The following NELL1 variants were observed in gnomAD, a reference collection of about 807,000 sequenced individuals.
NELL1 encodes protein kinase C-binding protein NELL1.
NELL1 carries 76 observed loss-of-function variants against 107.4 expected under a neutral mutation model. The ratio of observed to expected loss-of-function variants is 0.71; its 90% CI spans 0.59 to 0.86. The LOEUF (loss-of-function observed/expected upper bound fraction) is 0.86, where lower values mean the gene tolerates loss of function less well. NELL1 is among the 40% of genes least tolerant of loss of function. NELL1 has a pLI of 0.00. For synonymous variants in NELL1, 353 were observed against 341.2 expected (o/e 1.03, Z -0.38); for missense variants, 1,024 against 1,005.5 (o/e 1.02, Z -0.25).
At chr11:21,289,145 G>T (rs1171311487) in intron 14 of NELL1, among the ~76,000 whole-genome samples, 1 of 152,208 alleles carries the variant, frequency 6.6e-6, no homozygotes, top group African/African-American at 2.4e-5. Context: ...GGGCACATAG[G>T]TGAGGAGCAC....
chr11:21,146,873 G>A (rs868773913), intron 13 of NELL1, among the ~76,000 whole-genome samples: 18 of 152,058 alleles, frequency 1.2e-4, no homozygotes, highest in African/African-American at 4.3e-4. Flanking sequence ...GTGAAACCCT[G>A]TCTCTGCTAA....
chr11:21,238,038 T>C (rs1241055068), intron 14 of NELL1, among the ~76,000 whole-genome samples: 1 of 152,070 alleles, frequency 6.6e-6, no homozygotes, highest in Non-Finnish European at 1.5e-5. Context: ...TTGGATCCCT[T>C]ACAGGTATCT....
intron 2 of NELL1, among the ~76,000 whole-genome samples, chr11:20,700,306 C>G (rs563629706): frequency 6.6e-6 from 1 of 152,052 alleles, no homozygotes; most frequent in African/African-American, 2.4e-5. Context: ...TAGTGAAACC[C>G]CGTCTCTACT....
At chr11:20,697,967 C>G (rs115884360) in intron 2 of NELL1, among the ~76,000 whole-genome samples, 2,019 of 152,228 alleles carry the variant, frequency 0.013, 40 homozygotes, top group African/African-American at 0.046. Flanking sequence ...TGTTAAATGC[C>G]GATCTTCCAG....
rs1472947849 is a variant in NELL1, at chr11:20,750,250, AT to A, written c.185-33428del. ...ATTCCTATGTCTCAGTGCAGGGTCC[AT>A]TAAAGTCTTTTCTTCATTATTATTA... On this transcript the variant is annotated intron_variant, in intron 2 of 19. Transcript: ENST00000357134. 2.6e-5 allele frequency among the ~76,000 whole-genome samples: 4 copies of A among 152,264 alleles called. No homozygotes were observed. In the East Asian group the frequency reaches 7.7e-4, roughly 29 times the overall value.
At chr11:20,850,156 T>C (rs1421126305) in intron 4 of NELL1, among the ~76,000 whole-genome samples, 2 of 152,170 alleles carry the variant, frequency 1.3e-5, no homozygotes, top group African/African-American at 4.8e-5. Flanking sequence ...AACTTTACCT[T>C]CTTCACAAGT....
chr11:20,960,603 G>A, intron 12 of NELL1, 43 bp downstream of exon 12: 1 of 1,610,266 alleles, frequency 6.2e-7, no homozygotes, highest in Non-Finnish European at 8.5e-7. Flanking sequence ...GAGGTTGACT[G>A]AGAAGTGTAT....
intron 13 of NELL1, among the ~76,000 whole-genome samples, chr11:21,223,918 GGTTA>G (rs1857826675): frequency 6.6e-6 from 1 of 152,222 alleles, no homozygotes; most frequent in Middle Eastern, 3.4e-3. Context: ...CATTTCTGAA[GGTTA>G]GTTTTTCTGT....
chr11:21,407,911 C>G (rs1852274318), intron 15 of NELL1, among the ~76,000 whole-genome samples: 1 of 151,832 alleles, frequency 6.6e-6, no homozygotes. Flanking sequence ...CTCTCATACT[C>G]CATAAAGTAT....
chr11:20,913,033 CT>C (rs1248766623), intron 5 of NELL1, among the ~76,000 whole-genome samples: 1 of 152,132 alleles, frequency 6.6e-6, no homozygotes, highest in African/African-American at 2.4e-5. Flanking sequence ...CGACAAGTGT[CT>C]TTCTTGGCGG....
chr11:21,131,371 C>T (rs1392758200), intron 13 of NELL1, among the ~76,000 whole-genome samples: 4 of 152,150 alleles, frequency 2.6e-5, no homozygotes, highest in Non-Finnish European at 4.4e-5. Flanking sequence ...CAAGGAAATG[C>T]GGTAGAGAGG....
intron 12 of NELL1, among the ~76,000 whole-genome samples, chr11:21,102,982 A>G (rs1449113675): frequency 6.6e-6 from 1 of 152,166 alleles, no homozygotes; most frequent in African/African-American, 2.4e-5. Context: ...ATTTCAGTTA[A>G]AGAAGCTTAT....
At chr11:21,262,292 C>CT (rs1194731832) in intron 14 of NELL1, among the ~76,000 whole-genome samples, 1 of 151,744 alleles carries the variant, frequency 6.6e-6, no homozygotes, top group Non-Finnish European at 1.5e-5. Context: ...TACCATGACT[C>CT]TGGGGTCCTT....
chr11:21,170,811 A>C (rs1012226581), intron 13 of NELL1, among the ~76,000 whole-genome samples: 1 of 151,486 alleles, frequency 6.6e-6, no homozygotes, highest in East Asian at 1.9e-4. Flanking sequence ...ATTTCATGGC[A>C]CTTGACTCCA....
intron 14 of NELL1, among the ~76,000 whole-genome samples, chr11:21,320,613 T>A (rs895804381): frequency 6.6e-6 from 1 of 152,162 alleles, no homozygotes; most frequent in Admixed American, 6.5e-5. Flanking sequence ...TGGCTGGAAT[T>A]GCTGTTTATT....
intron 12 of NELL1, among the ~76,000 whole-genome samples, chr11:20,975,836 T>TAC (rs1215336669): frequency 4.2e-4 from 53 of 127,136 alleles, no homozygotes; most frequent in African/African-American, 1.2e-3. Flanking sequence ...TATATGTACA[T>TAC]ATGTGTATTA....
chr11:20,669,831 AC>A lies in NELL1; in HGVS notation c.55+55del, dbSNP rs1853851387. On this transcript the variant is annotated intron_variant, in intron 1 of 19. Transcript: ENST00000357134. This position sits in a 1 kb window ranked among gnomAD's most constrained non-coding sequence, Gnocchi z 4.4. ...ATCCGGGAAATGGGGGTGCCCACAGACCACGGCGGCGTGGGGAGACCTGGAG... is the reference window on the plus strand; with the variant it reads ...ATCCGGGAAATGGGGGTGCCCACAGACACGGCGGCGTGGGGAGACCTGGAG... 1 of 1,501,486 alleles carries A rather than the reference AC, an allele frequency of 6.7e-7. No homozygotes were observed. The highest frequency in any genetic ancestry group is 1.7e-5 in the Admixed American group (1 of 59,644). 93.0% of individuals were successfully genotyped at this position (1,501,486 alleles called of 1,614,324 possible).
chr11:20,787,020 A>AAAAAAAAAAAAG (rs1856980953), intron 3 of NELL1, among the ~76,000 whole-genome samples: 1 of 146,318 alleles, frequency 6.8e-6, no homozygotes. Context: ...AAAAAAAAAA[A>AAAAAAAAAAAAG]AAAAAAAAAA....
chr11:20,880,226 A>G (rs1299205641), intron 4 of NELL1, among the ~76,000 whole-genome samples: 2 of 152,230 alleles, frequency 1.3e-5, no homozygotes, highest in Non-Finnish European at 2.9e-5. Context: ...AGCATAAGTA[A>G]GCATCTAAGA....
Sources: gnomAD v4.1 joint callset for allele counts (sites outside exome capture counted in the v4.1 genomes callset) on GRCh38, gnomAD v4.1.1 for gene constraint, Gnocchi (gnomAD v3.1) non-coding constraint, MANE v1.5 for transcripts, NCBI Gene and HGNC (gene_info 2026-07-23, HGNC 2026-07-21) for gene names.